The following KIF15 variants were observed in gnomAD, a reference collection of about 807,000 sequenced individuals.
KIF15 encodes kinesin family member 15, also known as kinesin-like protein KIF15.
A neutral mutation model predicts 190.6 loss-of-function variants in KIF15; 140 were observed. That is an observed-to-expected ratio of 0.73 (90% confidence interval 0.64 to 0.84). KIF15 has a LOEUF of 0.84. Ranked by LOEUF, KIF15 falls within the 40% of genes least tolerant of loss-of-function variation. KIF15 has a pLI of 0.00. For synonymous variants in KIF15, 528 were observed against 551.3 expected (o/e 0.96, Z 0.59); for missense variants, 1,372 against 1,584.4 (o/e 0.87, Z 2.28).
Position 44,810,982 on chromosome 3 carries a change from T to C in KIF15, c.2108T>C (p.Val703Ala). The change falls in exon 17 of 35, where the codon GTT becomes GCT. Residue 703 changes from valine to alanine, a missense_variant. Val to Ala is a moderately conservative substitution (Grantham distance 64). Coordinates refer to ENST00000326047, the MANE Select transcript of KIF15 (RefSeq NM_020242.3). ...GATAATGATATATTAAATGAGCCAG[T>C]TCCTCCTGAGATGAATGAACAAGCT... ...ILDNDILNEP[V>A]PPEMNEQAFE... The C allele has an allele frequency of 6.2e-7, 1 of 1,613,956 alleles. No homozygotes were observed. Among genetic ancestry groups the C allele is most frequent in the Non-Finnish European group, 8.5e-7 (1 of 1,179,892 alleles).
At chr3:44,835,696 T>C (rs1276087825) in intron 26 of KIF15, among the ~76,000 whole-genome samples, 1 of 152,200 alleles carries the variant, frequency 6.6e-6, no homozygotes, top group Non-Finnish European at 1.5e-5. Flanking sequence ...AGAGAGATCA[T>C]TGCAACAACT....
At chr3:44,845,044 G>A (rs567357734) in intron 30 of KIF15, among the ~76,000 whole-genome samples, 33 of 152,346 alleles carry the variant, frequency 2.2e-4, no homozygotes, top group African/African-American at 7.7e-4. Context: ...AGGAGTGGTT[G>A]AAATCATGAC....
At chr3:44,771,676 G>T (rs1054210706) in intron 1 of KIF15, among the ~76,000 whole-genome samples, 1 of 152,134 alleles carries the variant, frequency 6.6e-6, no homozygotes, top group African/African-American at 2.4e-5. Flanking sequence ...ATTTTAAAAA[G>T]CAAAAACCTT....
intron 10 of KIF15, 78 bp downstream of exon 10, chr3:44,798,034 C>A: frequency 1.6e-6 from 2 of 1,249,188 alleles, no homozygotes; most frequent in Non-Finnish European, 1.1e-6. Context: ...TGTGATTGCC[C>A]TAATATTAAC....
chr3:44,826,313 G>T, intron 21 of KIF15, 62 bp from the exon 22 acceptor site: 2 of 1,563,900 alleles, frequency 1.3e-6, no homozygotes, highest in South Asian at 2.3e-5. Context: ...GAAGGTACTT[G>T]ACATGTTCGT....
chr3:44,775,100 C>CA (rs35117351), intron 2 of KIF15, among the ~76,000 whole-genome samples, 154 bp from the exon 3 acceptor site: 9,029 of 140,284 alleles, frequency 0.064, 799 homozygotes, highest in African/African-American at 0.2. Context: ...AACTCCATCT[C>CA]AAAAAAAAAA....
intron 5 of KIF15, among the ~76,000 whole-genome samples, chr3:44,781,725 C>A (rs1426964140): frequency 6.6e-6 from 1 of 152,104 alleles, no homozygotes; most frequent in Non-Finnish European, 1.5e-5. Context: ...AAAATTTTAG[C>A]CATTCTTGAG....
chr3:44,839,367 C>T (rs1698481886), intron 27 of KIF15, among the ~76,000 whole-genome samples: 1 of 150,254 alleles, frequency 6.7e-6, no homozygotes, highest in East Asian at 2.0e-4. Context: ...AGAGAGACTC[C>T]ATCTCAAAAA....
chr3:44,813,098 T>C lies in KIF15; in HGVS notation c.2301T>C (p.Asp767=), dbSNP rs771229559. ...AGCTTTTCTCATCAGAAAGAATTGA[T>C]TGGACCAAACAGCAGGAAGAGCTTC... ...MQELFSSERI[D]WTKQQEELLS... The change falls in exon 19 of 35, where the codon GAT becomes GAC. Residue 767 remains aspartate, a synonymous_variant. Transcript: ENST00000326047. The C allele has an allele frequency of 2.5e-6, 4 of 1,590,752 alleles. No individual in the cohort carries two copies. Among genetic ancestry groups the C allele is most frequent in the East Asian group, 2.3e-5 (1 of 44,052 alleles).
At chr3:44,814,306 T>A (rs1019607430) in intron 19 of KIF15, among the ~76,000 whole-genome samples, 3 of 151,612 alleles carry the variant, frequency 2.0e-5, no homozygotes, top group Non-Finnish European at 2.9e-5. Flanking sequence ...ATATTAAGAG[T>A]TTTGTTTGTT....
chr3:44,831,977 C>T (rs1698094735), intron 26 of KIF15, among the ~76,000 whole-genome samples: 1 of 152,100 alleles, frequency 6.6e-6, no homozygotes, highest in South Asian at 2.1e-4. Context: ...ACAACCTGTA[C>T]CCGGCCTGGC....
intron 4 of KIF15, among the ~76,000 whole-genome samples, chr3:44,779,525 C>T (rs543517960): frequency 6.6e-6 from 1 of 152,222 alleles, no homozygotes; most frequent in South Asian, 2.1e-4. Flanking sequence ...CCTGTTTGGA[C>T]AATAATCTAT....
chr3:44,855,081 G>C (rs1430509599), downstream of KIF15, among the ~76,000 whole-genome samples: 1 of 152,236 alleles, frequency 6.6e-6, no homozygotes, highest in Non-Finnish European at 1.5e-5. Flanking sequence ...GCAACAGGCT[G>C]TTTATTTCAC....
rs758175116 is a variant in KIF15, at chr3:44,840,391, A to C, written c.3355A>C (p.Asn1119His). Reference protein sequence around the residue: ...QKKEEVEQKKNEYNFKMRQLE... With the variant: ...QKKEEVEQKKHEYNFKMRQLE... ...GAAAGAGGAAGTAGAACAGAAGAAG[A>C]ATGAATATAACTTCAAAATGAGGCA... The change falls in exon 28 of 35, where the codon AAT becomes CAT. Residue 1119 changes from asparagine to histidine, a missense_variant. Coordinates refer to ENST00000326047, the MANE Select transcript of KIF15 (RefSeq NM_020242.3). 6.2e-7 allele frequency: 1 copy of C among 1,611,280 alleles called. No individual in the cohort carries two copies. Among genetic ancestry groups the C allele is most frequent in the Admixed American group, 1.7e-5 (1 of 59,376 alleles).
At chr3:44,808,611 A>ATTT (rs1553651800) in intron 16 of KIF15, among the ~76,000 whole-genome samples, 62 of 140,656 alleles carry the variant, frequency 4.4e-4, no homozygotes, top group African/African-American at 1.6e-3. Flanking sequence ...TTTTTTTTTA[A>ATTT]AAAAAAACGG....
At chr3:44,807,072 AGAG>A (rs1417784551) in intron 16 of KIF15, among the ~76,000 whole-genome samples, 1 of 152,206 alleles carries the variant, frequency 6.6e-6, no homozygotes, top group East Asian at 1.9e-4. Context: ...AGAAAGAAAT[AGAG>A]AAGACCGAAA....
At chr3:44,829,802 T>C (rs1697973563) in intron 24 of KIF15, among the ~76,000 whole-genome samples, 169 bp from the exon 25 acceptor site, 1 of 144,342 alleles carries the variant, frequency 6.9e-6, no homozygotes, top group Admixed American at 7.2e-5. Context: ...GCATATATAA[T>C]ATATGTATAT....
intron 30 of KIF15, among the ~76,000 whole-genome samples, chr3:44,846,029 T>C (rs754842837): frequency 6.6e-6 from 1 of 152,254 alleles, no homozygotes; most frequent in Non-Finnish European, 1.5e-5. Context: ...CCCTCTGCTA[T>C]TCCTAGATAA....
At chr3:44,842,212 G>A (rs377098242) in intron 29 of KIF15, among the ~76,000 whole-genome samples, 5 of 151,646 alleles carry the variant, frequency 3.3e-5, no homozygotes, top group East Asian at 3.9e-4. Flanking sequence ...GATTTTTTTA[G>A]TCTCTGATAA....
Sources: allele counts gnomAD v4.1 joint callset (sites outside exome capture counted in the v4.1 genomes callset), GRCh38; gene constraint gnomAD v4.1.1; transcripts MANE v1.5; gene names NCBI Gene and HGNC (gene_info 2026-07-23, HGNC 2026-07-21).